Variants in LNX1 observed in about 807,000 individuals in gnomAD.
LNX1 encodes the protein E3 ubiquitin-protein ligase LNX.
In LNX1, 54 loss-of-function variants were observed where a neutral mutation model predicts 68.4. The observed-to-expected ratio is 0.79, with a 90% CI of 0.63 to 0.99. The LOEUF is 0.99. Ranked by LOEUF, LNX1 falls within the 50% of genes least tolerant of loss-of-function variation. The probability of loss-of-function intolerance (pLI) is 0.00; values close to 1 mark genes in which losing one functional copy is unlikely to be tolerated. For synonymous variants in LNX1, 336 were observed against 350.0 expected, an observed-to-expected ratio of 0.96 and a Z score of 0.45; for missense variants, 906 against 926.4, an observed-to-expected ratio of 0.98 and a Z score of 0.29.
intron 2 of LNX1, among the ~76,000 whole-genome samples, chr4:53,521,989 G>A (rs947058683): frequency 6.6e-6 from 1 of 151,674 alleles, no homozygotes; most frequent in Non-Finnish European, 1.5e-5. Context: ...TTTTTTTGTA[G>A]AGACTATGTT....
chr4:53,534,885 G>C (rs1221170776), intron 2 of LNX1, among the ~76,000 whole-genome samples: 2 of 151,178 alleles, frequency 1.3e-5, no homozygotes, highest in Non-Finnish European at 3.0e-5. Flanking sequence ...TGGTTGACCT[G>C]TCTTAACAGC....
intron 6 of LNX1, among the ~76,000 whole-genome samples, chr4:53,488,659 G>A (rs1865510): frequency 0.12 from 18,098 of 152,042 alleles, 1,165 homozygotes; most frequent in Non-Finnish European, 0.15. Context: ...AAACTCAATC[G>A]ATTCCTGTCT....
chr4:53,576,313 C>A (rs199669260), intron 1 of LNX1: 7 of 1,612,678 alleles, frequency 4.3e-6, no homozygotes, highest in South Asian at 2.2e-5. Flanking sequence ...CCAGGAGCTG[C>A]GGTACAGCGT....
At chr4:53,555,326 C>T (rs1262357745) in intron 2 of LNX1, among the ~76,000 whole-genome samples, 2 of 152,132 alleles carry the variant, frequency 1.3e-5, no homozygotes, top group African/African-American at 2.4e-5. Context: ...TGCCACTTAC[C>T]ATCCCTGAAA....
At chr4:53,533,960 T>C (rs1577673787) in intron 2 of LNX1, among the ~76,000 whole-genome samples, 1 of 152,354 alleles carries the variant, frequency 6.6e-6, no homozygotes, top group Admixed American at 6.5e-5. Flanking sequence ...GGCAGCCAAC[T>C]GACACATCAA....
chr4:53,590,438 AG>A (rs1732439521), intron 1 of LNX1, among the ~76,000 whole-genome samples: 1 of 152,232 alleles, frequency 6.6e-6, no homozygotes, highest in Non-Finnish European at 1.5e-5. Flanking sequence ...TCATCCCAGC[AG>A]GCAGCTGGGC....
At chr4:53,584,457 G>C (rs1193425728) in intron 1 of LNX1, among the ~76,000 whole-genome samples, 4 of 152,164 alleles carry the variant, frequency 2.6e-5, no homozygotes, top group Admixed American at 2.0e-4. Flanking sequence ...CCCAAGACAG[G>C]AGCCATGGAC....
intron 2 of LNX1, among the ~76,000 whole-genome samples, chr4:53,527,099 T>C (rs1168671598): frequency 1.3e-5 from 2 of 149,780 alleles, no homozygotes; most frequent in Non-Finnish European, 3.0e-5. Flanking sequence ...TGACCCAAGC[T>C]TGTGTGTATA....
intron 9 of LNX1, among the ~76,000 whole-genome samples, chr4:53,466,149 G>C (rs1722661971): frequency 6.7e-5 from 1 of 14,872 alleles, no homozygotes; most frequent in South Asian, 6.1e-3. Flanking sequence ...TAAACTTTTT[G>C]TTTTAAGAAA....
At chr4:53,497,962 G>C (rs114683329) in intron 5 of LNX1, among the ~76,000 whole-genome samples, 2,540 of 152,226 alleles carry the variant, frequency 0.017, 73 homozygotes, top group African/African-American at 0.058. Context: ...GGGTTTCTTG[G>C]CACTTTTGGC....
chr4:53,460,999 C>T lies in LNX1; in HGVS notation c.2095G>A (p.Gly699Arg). 1 of 1,601,868 alleles carries T rather than the reference C, an allele frequency of 6.2e-7. No homozygotes were observed. Among genetic ancestry groups the T allele is most frequent in the South Asian group, 1.1e-5 (1 of 88,498 alleles). The change falls in exon 11 of 11, where the codon GGA becomes AGA. Residue 699 changes from glycine (G) to arginine (R), a missense_variant. Coordinates refer to ENST00000263925, the MANE Select transcript of LNX1 (RefSeq NM_001126328.3). ...LLAVNGRSTS[G>R]MIHACLARLL... is the part of the protein sequence containing the mutation. ...CTTGCCAAGCAAGCATGTATCATTC[C>T]TGATGTACTTCTACCATTGACAGCA...
At chr4:53,572,266 C>A (rs1185250530) in intron 2 of LNX1, among the ~76,000 whole-genome samples, 2 of 152,192 alleles carry the variant, frequency 1.3e-5, no homozygotes, top group Non-Finnish European at 2.9e-5. Flanking sequence ...CCTACCCACT[C>A]CTCCTTTAAC....
chr4:53,633,532 G>A (rs1323158989), intron 1 of LNX1, among the ~76,000 whole-genome samples: 2 of 152,136 alleles, frequency 1.3e-5, no homozygotes. Flanking sequence ...CAGGGAAGCT[G>A]CCATGAGTTT....
At chr4:53,557,996 C>A in intron 2 of LNX1, 1 of 1,612,476 alleles carries the variant, frequency 6.2e-7, no homozygotes, top group Non-Finnish European at 8.5e-7. Context: ...TTCTCCCTGG[C>A]CACCTTCTGT....
At chr4:53,589,631 C>T (rs992513199) in intron 1 of LNX1, among the ~76,000 whole-genome samples, 6 of 152,118 alleles carry the variant, frequency 3.9e-5, no homozygotes, top group Non-Finnish European at 5.9e-5. Flanking sequence ...CCCATCTTAC[C>T]GATGAAGAAA....
chr4:53,479,897 C>G (rs913230214), intron 7 of LNX1, among the ~76,000 whole-genome samples: 10 of 152,192 alleles, frequency 6.6e-5, no homozygotes, highest in African/African-American at 2.2e-4. Flanking sequence ...AACCCTACAT[C>G]AGAAATAAAC....
intron 1 of LNX1, among the ~76,000 whole-genome samples, chr4:53,629,636 G>T (rs1313132169): frequency 6.6e-6 from 1 of 152,174 alleles, no homozygotes; most frequent in African/African-American, 2.4e-5. Flanking sequence ...GAGTTGAATG[G>T]GAGGTAAGGG....
At chr4:53,548,444 T>G (rs2109687767) in intron 2 of LNX1, among the ~76,000 whole-genome samples, 1 of 152,324 alleles carries the variant, frequency 6.6e-6, no homozygotes, top group East Asian at 1.9e-4. Flanking sequence ...TAACTATACA[T>G]AAGACAAGCA....
At chr4:53,578,540 G>A (rs917427276) in intron 1 of LNX1, among the ~76,000 whole-genome samples, 2 of 152,176 alleles carry the variant, frequency 1.3e-5, no homozygotes, top group African/African-American at 4.8e-5. Flanking sequence ...TGTGGAGTCT[G>A]TCATTGACCA....
Sources: allele counts gnomAD v4.1 joint callset (sites outside exome capture counted in the v4.1 genomes callset), GRCh38; gene constraint gnomAD v4.1.1; transcripts MANE v1.5; gene names NCBI Gene and HGNC (gene_info 2026-07-23, HGNC 2026-07-21).